The following CYB5R3 variants were observed in gnomAD, a reference collection of about 807,000 sequenced individuals.
CYB5R3 encodes the protein NADH-cytochrome b5 reductase 3.
CYB5R3 carries 28 observed loss-of-function variants against 36.5 expected under a neutral mutation model. That is an observed-to-expected ratio of 0.77 (90% CI 0.57 to 1.05). The LOEUF is 1.05. Ranked by LOEUF, CYB5R3 falls within the 50% of genes least tolerant of loss-of-function variation. CYB5R3 has a pLI of 0.00. For missense variants in CYB5R3, 474 were observed against 408.9 expected, an observed-to-expected ratio of 1.16 and a Z score of -1.37; for synonymous variants, 181 against 159.8, an observed-to-expected ratio of 1.13 and a Z score of -1.00.
In CYB5R3 at chr22:42,644,343, C is replaced by T. The variant is rs145805113; in HGVS notation, c.21+4952G>A. The stretch of plus-strand genomic sequence containing the variant: ...CTCAAATACCCACCATAGCTCCCCA[C>T]TGCCTACCTGAAGGCACCCTCTCTA... On this transcript the variant is annotated intron_variant, in intron 1 of 8. Coordinates refer to ENST00000352397, the MANE Select transcript of CYB5R3 (RefSeq NM_000398.7). 8 of 703,212 alleles carry T rather than the reference C, an allele frequency of 1.1e-5. No individual in the cohort carries two copies. The Admixed American group carries it at 1.6e-4, about 14-fold the overall frequency. The allele number at this position is 703,212 out of a possible 1,614,324, so 43.6% of individuals were successfully genotyped here.
chr22:42,641,944 T>C (rs932833809), intron 1 of CYB5R3, among the ~76,000 whole-genome samples: 4 of 152,170 alleles, frequency 2.6e-5, no homozygotes, highest in African/African-American at 9.7e-5. Flanking sequence ...CTGTCAACTA[T>C]ACAGGTCAGC....
In CYB5R3 at chr22:42,631,418, A is replaced by G. The variant is rs1601938575; in HGVS notation, c.186T>C (p.Phe62=). 7.1e-6 allele frequency: 11 copies of G among 1,551,590 alleles called. No homozygotes were observed. Among genetic ancestry groups the G allele is most frequent in the Middle Eastern group, 3.3e-4 (2 of 5,992 alleles). ...IISHDTRRFR[F]ALPSPQHILG... ...GGATGTGCTGGGGTGACGGCAGGGC[A>G]AAGCGGAAGCGCCGGGTGTCATGGC... Residue 62 remains phenylalanine, a synonymous_variant, in exon 3 of 9, where the codon TTT becomes TTC. Coordinates refer to ENST00000352397, the MANE Select transcript of CYB5R3 (RefSeq NM_000398.7).
At chr22:42,627,229 G>T in intron 7 of CYB5R3, 75 bp downstream of exon 7, 1 of 1,252,888 alleles carries the variant, frequency 8.0e-7, no homozygotes, top group Non-Finnish European at 1.2e-6. Flanking sequence ...CAGACCCCTG[G>T]AACAGCACCT....
chr22:42,640,350 C>CT lies in CYB5R3; in HGVS notation c.22-3505dup, dbSNP rs919193890. ...CCCCGGAAGGACCCTGCGTGGTTCA[C>CT]TTATTTATTTATTTATTTATTTATT... On this transcript the variant is annotated intron_variant, in intron 1 of 8. Transcript: ENST00000352397. The CT allele has an allele frequency of 2.5e-5, 12 of 476,900 alleles. No homozygotes were observed. In the African/African-American group the frequency reaches 2.6e-4, roughly 10 times the overall value. 29.5% of individuals were successfully genotyped at this position (476,900 alleles called of 1,614,324 possible).
At chr22:42,634,169 T>A (rs1362910304) in intron 2 of CYB5R3, among the ~76,000 whole-genome samples, 2 of 150,082 alleles carry the variant, frequency 1.3e-5, no homozygotes, top group African/African-American at 2.5e-5. Context: ...CTGGCCAACA[T>A]GTTGAAACCC....
chr22:42,627,884 T>C (rs1928375185), intron 5 of CYB5R3, among the ~76,000 whole-genome samples, 196 bp from the exon 6 acceptor site: 1 of 152,148 alleles, frequency 6.6e-6, no homozygotes, highest in South Asian at 2.1e-4. Flanking sequence ...CTCTGTCCTC[T>C]TGCTTGCTTG....
intron 1 of CYB5R3, among the ~76,000 whole-genome samples, chr22:42,648,091 T>C (rs1477644079): frequency 3.9e-5 from 6 of 152,186 alleles, no homozygotes; most frequent in South Asian, 2.1e-4. Flanking sequence ...GTTGGGGTGA[T>C]GCCCACAGGT....
Position 42,619,566 on chromosome 22 carries a change from C to T in CYB5R3, c.*207G>A, listed in dbSNP as rs1184750485. The T allele has an allele frequency of 4.2e-5, 25 of 599,982 alleles. No individual in the cohort carries two copies. The Admixed American group carries it at 6.5e-4, about 16-fold the overall frequency. 37.2% of individuals were successfully genotyped at this position (599,982 alleles called of 1,614,324 possible). A position where few individuals can be genotyped will look rare whatever the true frequency, so the allele number is the denominator to read the frequency against. On this transcript the variant is annotated 3_prime_UTR_variant, in exon 9 of 9. Coordinates refer to ENST00000352397, the MANE Select transcript of CYB5R3 (RefSeq NM_000398.7). ...ACCAGTAAGTGCCAGGCAGGACGTA[C>T]TCTGAAGGCTCAGCCGTGGCCCATC...
At chr22:42,636,650 A>T in intron 2 of CYB5R3, 65 bp downstream of exon 2, 1 of 1,590,920 alleles carries the variant, frequency 6.3e-7, no homozygotes, top group South Asian at 1.1e-5. Flanking sequence ...CCATGCCCTG[A>T]GCACAGAGTA....
At chr22:42,630,291 C>T (rs185686059) in intron 4 of CYB5R3, among the ~76,000 whole-genome samples, 2 of 152,136 alleles carry the variant, frequency 1.3e-5, no homozygotes, top group Non-Finnish European at 2.9e-5. Flanking sequence ...GACAACACCA[C>T]ACGAGCCCCT....
Position 42,631,051 on chromosome 22 carries a change from G to A in CYB5R3, c.227-63C>T, listed in dbSNP as rs1928590031. On this transcript the variant is annotated intron_variant, in intron 3 of 8. Transcript: ENST00000352397. ...ATCCTGCGGGTGACCCCTGGGTCTT[G>A]TCAACCCACTCCCCTGCACCCCACC... 5 of 1,411,508 alleles carry A rather than the reference G, an allele frequency of 3.5e-6. 1 individual carries two copies. Among genetic ancestry groups the A allele is most frequent in the Non-Finnish European group, 5.0e-6 (5 of 1,007,376 alleles). The allele number at this position is 1,411,508 out of a possible 1,614,324, so 87.4% of individuals were successfully genotyped here.
intron 8 of CYB5R3, among the ~76,000 whole-genome samples, chr22:42,623,367 A>G (rs1437497516): frequency 9.2e-5 from 14 of 152,298 alleles, no homozygotes; most frequent in South Asian, 2.1e-4. Flanking sequence ...CCCACTCCCC[A>G]GGGCTGACAA....
chr22:42,621,795 C>G (rs1927988084), intron 8 of CYB5R3, among the ~76,000 whole-genome samples: 1 of 152,260 alleles, frequency 6.6e-6, no homozygotes, highest in Non-Finnish European at 1.5e-5. Context: ...GATCACTCAT[C>G]TGGAATTGGG....
At chr22:42,640,348 CACTTATTTATTT>C (rs1395270178) in intron 1 of CYB5R3, 129 of 851,220 alleles carry the variant, frequency 1.5e-4, no homozygotes, top group Non-Finnish European at 2.0e-4. Context: ...CTGCGTGGTT[CACTTATTTATTT>C]ATTTATTTAT....
At chr22:42,625,386 T>G (rs1348386163) in intron 7 of CYB5R3, among the ~76,000 whole-genome samples, 5 of 151,982 alleles carry the variant, frequency 3.3e-5, no homozygotes, top group African/African-American at 9.7e-5. Context: ...CGGGCACCTG[T>G]AATCGCAGCT....
intron 4 of CYB5R3, among the ~76,000 whole-genome samples, chr22:42,629,174 C>T (rs956166090): frequency 4.6e-5 from 7 of 152,072 alleles, no homozygotes; most frequent in African/African-American, 1.7e-4. Context: ...ATGCTTGAGC[C>T]CTCATCACCT....
In CYB5R3 at chr22:42,628,274, A is replaced by T; in HGVS notation, c.341T>A (p.Phe114Tyr). The change falls in exon 5 of 9, where the codon TTC (phenylalanine) becomes TAC (tyrosine). Residue 114 changes from phenylalanine to tyrosine, a missense_variant. Phe to Tyr is a conservative substitution (Grantham distance 22). Transcript: ENST00000352397. ...GFVDLVIKVY[F>Y]KDTHPKFPAG... is the part of the protein sequence containing the mutation. ...GGGAAACTTGGGATGGGTGTCCTTG[A>T]AGTAAACCTGCAAGACACCCCCGCA... The T allele has an allele frequency of 1.9e-6, 3 of 1,613,884 alleles. No individual in the cohort carries two copies. Among genetic ancestry groups the T allele is most frequent in the Non-Finnish European group, 1.7e-6 (2 of 1,179,876 alleles).
chr22:42,631,203 TG>T lies in CYB5R3; in HGVS notation c.226+174del, dbSNP rs2146883826. The T allele has an allele frequency of 1.6e-5, 12 of 768,900 alleles. No individual in the cohort carries two copies. In the South Asian group the frequency reaches 2.0e-4, roughly 13 times the overall value. 47.6% of individuals were successfully genotyped at this position (768,900 alleles called of 1,614,324 possible). On this transcript the variant is annotated intron_variant, in intron 3 of 8. Transcript: ENST00000352397. The stretch of plus-strand genomic sequence containing the variant: ...CTGCTGGTGCCACTGCCAGGGACTC[TG>T]GGCCTTCCCACTCTCATTCCAACAG...
chr22:42,644,224 C>T (rs909525841), intron 1 of CYB5R3, among the ~76,000 whole-genome samples: 1 of 152,132 alleles, frequency 6.6e-6, no homozygotes, highest in Non-Finnish European at 1.5e-5. Context: ...TCAAAGAGCT[C>T]ACAGCCCAAA....
Sources: gnomAD v4.1 joint callset for allele counts (sites outside exome capture counted in the v4.1 genomes callset) on GRCh38, gnomAD v4.1.1 for gene constraint, MANE v1.5 for transcripts, NCBI Gene and HGNC (gene_info 2026-07-23, HGNC 2026-07-21) for gene names.